The following MFSD6 variants were observed in gnomAD, a reference collection of about 807,000 sequenced individuals.
MFSD6 encodes the protein major facilitator superfamily domain-containing protein 6.
In MFSD6, 26 loss-of-function variants were observed where a neutral mutation model predicts 56.3. The observed-to-expected ratio is 0.46, with a 90% CI of 0.34 to 0.64. MFSD6 has a LOEUF of 0.64. Ranked by LOEUF, MFSD6 falls within the 30% of genes least tolerant of loss-of-function variation. The probability of loss-of-function intolerance (pLI) is 0.01; values close to 1 mark genes in which losing one functional copy is unlikely to be tolerated. For synonymous variants in MFSD6, 331 were observed against 366.9 expected (o/e 0.90, Z 1.12); for missense variants, 750 against 986.2 (o/e 0.76, Z 3.21).
chr2:190,487,289 T>C lies in MFSD6; in HGVS notation c.1631-1368T>C, dbSNP rs1689069124. ...CCAGGAAGCAGAGGTTGCAGTGAGC[T>C]GAGGTCGTGCCACTGCACTCCAGCC... On this transcript the variant is annotated intron_variant, in intron 4 of 7. Coordinates refer to ENST00000392328, the MANE Select transcript of MFSD6 (RefSeq NM_017694.4). The surrounding 1 kb of genome is among the most constrained non-coding windows in gnomAD (Gnocchi z 5.5). Among the ~76,000 whole-genome samples, 1 of 152,160 alleles carries C rather than the reference T, an allele frequency of 6.6e-6. No homozygotes were observed. The highest frequency in any genetic ancestry group is 1.9e-4 in the East Asian group (1 of 5,186).
At position 190,489,926 on chromosome 2, in the gene MFSD6, A is replaced by T. The variant is rs1165065302; in HGVS notation, c.1891+60A>T. The T allele has an allele frequency of 1.6e-5, 22 of 1,357,928 alleles. No homozygotes were observed. The highest frequency in any genetic ancestry group is 2.2e-5 in the Non-Finnish European group (22 of 1,016,872). 84.1% of individuals were successfully genotyped at this position (1,357,928 alleles called of 1,614,324 possible). On this transcript the variant is annotated intron_variant, in intron 6 of 7. Coordinates refer to ENST00000392328, the MANE Select transcript of MFSD6 (RefSeq NM_017694.4). This position sits in a 1 kb window ranked among gnomAD's most constrained non-coding sequence, Gnocchi z 6.6. ...AGTTCAGGCCATGGGAAGTCAACAA[A>T]TGCCCCGAGAAGCCTAGAAGTGGTA...
chr2:190,482,868 C>CTTTTTTT lies in MFSD6; in HGVS notation c.1631-5760_1631-5754dup, dbSNP rs199927176. The stretch of plus-strand genomic sequence containing the variant: ...GGAGAAGAGTTATTAAGACTATCAT[C>CTTTTTTT]TTTTTTTTTTTTTTTTTTTTTTTTT... On this transcript the variant is annotated intron_variant, in intron 4 of 7. Transcript: ENST00000392328. 6.2e-4 allele frequency among the ~76,000 whole-genome samples: 30 copies of CTTTTTTT among 48,270 alleles called. 8 individuals carry two copies. Among genetic ancestry groups the CTTTTTTT allele is most frequent in the East Asian group, 2.1e-3 (3 of 1,428 alleles). The allele number at this position is 48,270 out of a possible 152,430, so 31.7% of individuals were successfully genotyped here.
chr2:190,450,885 A>G (rs1308263854), intron 3 of MFSD6, among the ~76,000 whole-genome samples: 2 of 152,242 alleles, frequency 1.3e-5, no homozygotes, highest in South Asian at 2.1e-4. Flanking sequence ...ACATTTGTCC[A>G]GGTGTACTAT....
chr2:190,409,876 C>T (rs969203857), intron 1 of MFSD6, among the ~76,000 whole-genome samples: 4 of 152,018 alleles, frequency 2.6e-5, no homozygotes, highest in African/African-American at 7.3e-5. Context: ...GTATTTATCA[C>T]GAGGTGTAAG....
At position 190,429,227 on chromosome 2, in the gene MFSD6, CGTGT is replaced by C. The variant is rs34375122; in HGVS notation, c.-53-6731_-53-6728del. On this transcript the variant is annotated intron_variant, in intron 2 of 7. Coordinates refer to ENST00000392328, the MANE Select transcript of MFSD6 (RefSeq NM_017694.4). ...ATATATCTGTATAATTCTTTTGTTA[CGTGT>C]GTGTGTGTGTGTGTGTGTATACATA... 6.2e-4 allele frequency among the ~76,000 whole-genome samples: 93 copies of C among 148,908 alleles called. 1 individual carries two copies. Among genetic ancestry groups the C allele is most frequent in the Admixed American group, 4.5e-3 (67 of 14,880 alleles).
At position 190,451,202 on chromosome 2, in the gene MFSD6, C is replaced by T. The variant is rs190252298; in HGVS notation, c.1532+13641C>T. 3.6e-3 allele frequency among the ~76,000 whole-genome samples: 554 copies of T among 152,336 alleles called. 1 individual carries two copies. Among genetic ancestry groups the T allele is most frequent in the Non-Finnish European group, 5.9e-3 (402 of 68,028 alleles). On this transcript the variant is annotated intron_variant, in intron 3 of 7. Coordinates refer to ENST00000392328, the MANE Select transcript of MFSD6 (RefSeq NM_017694.4). The surrounding 1 kb of genome is among the most constrained non-coding windows in gnomAD (Gnocchi z 5.0). ...ATTTGATCTAGATTCAAATCCCACA[C>T]TTAGTCCTGTCTAACATTGGATAAG...
intron 2 of MFSD6, among the ~76,000 whole-genome samples, chr2:190,421,348 TAGTC>T (rs1315999717): frequency 1.3e-5 from 2 of 152,216 alleles, no homozygotes; most frequent in Admixed American, 6.5e-5. Context: ...GAAAAATGTT[TAGTC>T]AGTGATAGAA....
chr2:190,477,409 A>G (rs964257909), intron 4 of MFSD6: 1 of 940,380 alleles, frequency 1.1e-6, no homozygotes, highest in African/African-American at 1.8e-5. Flanking sequence ...ATGACTATAT[A>G]TTATAATAAT....
chr2:190,480,043 G>A (rs571654789), intron 4 of MFSD6, among the ~76,000 whole-genome samples: 2 of 152,244 alleles, frequency 1.3e-5, no homozygotes, highest in East Asian at 3.9e-4. Flanking sequence ...TGCGCCTGTG[G>A]TCCCAGCTAC....
Position 190,491,825 on chromosome 2 carries a change from G to GAAGACAAAGA in MFSD6, c.1891+1961_1891+1962insGACAAAGAAA, listed in dbSNP as rs1689377354. Among the ~76,000 whole-genome samples the GAAGACAAAGA allele has an allele frequency of 6.6e-6, 1 of 152,118 alleles. No individual in the cohort carries two copies. Among genetic ancestry groups the GAAGACAAAGA allele is most frequent in the African/African-American group, 2.4e-5 (1 of 41,420 alleles). ...CCAAGAAGAAATCTCTGACTTCCCT[G>GAAGACAAAGA]AAAAAGAATTCAGAAGGTCCATTAT... On this transcript the variant is annotated intron_variant, in intron 6 of 7. Coordinates refer to ENST00000392328, the MANE Select transcript of MFSD6 (RefSeq NM_017694.4). This position sits in a 1 kb window ranked among gnomAD's most constrained non-coding sequence, Gnocchi z 4.2.
At chr2:190,473,703 A>G (rs1688097212) in intron 4 of MFSD6, among the ~76,000 whole-genome samples, 1 of 152,222 alleles carries the variant, frequency 6.6e-6, no homozygotes, top group African/African-American at 2.4e-5. Flanking sequence ...AATTGAACTC[A>G]GCTTTCCTGA....
chr2:190,480,974 G>A (rs989065591), intron 4 of MFSD6, among the ~76,000 whole-genome samples: 1 of 152,252 alleles, frequency 6.6e-6, no homozygotes, highest in Non-Finnish European at 1.5e-5. Context: ...GCCTGGCTAT[G>A]AATTAAGCTG....
At position 190,451,744 on chromosome 2, in the gene MFSD6, G is replaced by C. The variant is rs1293528605; in HGVS notation, c.1532+14183G>C. ...AAAACCACACATGTGAATGGCCAGG[G>C]AGAGGGTAATAAAAGGACACCAGTG... is the stretch of plus-strand genomic sequence containing the variant. On this transcript the variant is annotated intron_variant, in intron 3 of 7. Coordinates refer to ENST00000392328, the MANE Select transcript of MFSD6 (RefSeq NM_017694.4). The surrounding 1 kb of genome is among the most constrained non-coding windows in gnomAD (Gnocchi z 5.0). Among the ~76,000 whole-genome samples the C allele has an allele frequency of 6.6e-6, 1 of 152,222 alleles. No homozygotes were observed. The highest frequency in any genetic ancestry group is 1.9e-4 in the East Asian group (1 of 5,200).
In MFSD6 at chr2:190,497,390, A is replaced by G; in HGVS notation, c.1892-49A>G. ...TTTATTTATTTTTACCTTTGTTCAA[A>G]TATGTAGAAAATGCTGAAAAAATAG... is the stretch of plus-strand genomic sequence containing the variant. On this transcript the variant is annotated intron_variant, in intron 6 of 7. Transcript: ENST00000392328. This position sits in a 1 kb window ranked among gnomAD's most constrained non-coding sequence, Gnocchi z 5.2. 2 of 1,582,172 alleles carry G rather than the reference A, an allele frequency of 1.3e-6. No individual in the cohort carries two copies. The highest frequency in any genetic ancestry group is 1.7e-6 in the Non-Finnish European group (2 of 1,161,214).
rs1264131336 is a variant in MFSD6, at chr2:190,469,406, A to C, written c.1533-352A>C. 6.5e-6 allele frequency: 1 copy of C among 154,220 alleles called. No homozygotes were observed. The highest frequency in any genetic ancestry group is 2.4e-5 in the African/African-American group (1 of 41,518). The allele number at this position is 154,220 out of a possible 1,614,324, so 9.6% of individuals were successfully genotyped here. A position where few individuals can be genotyped will look rare whatever the true frequency, so the allele number is the denominator to read the frequency against. On this transcript the variant is annotated intron_variant, in intron 3 of 7. Coordinates refer to ENST00000392328, the MANE Select transcript of MFSD6 (RefSeq NM_017694.4). The surrounding 1 kb of genome is among the most constrained non-coding windows in gnomAD (Gnocchi z 5.3). ...TACAGCCACCTGGAAGGAAGCCAGTAATGTCATTACTGATGGCAGTGCGCC... is the reference window on the plus strand; with the variant it reads ...TACAGCCACCTGGAAGGAAGCCAGTCATGTCATTACTGATGGCAGTGCGCC...
At position 190,422,112 on chromosome 2, in the gene MFSD6, A is replaced by G. The variant is rs532091197; in HGVS notation, c.-54+6699A>G. Among the ~76,000 whole-genome samples the G allele has an allele frequency of 3.3e-5, 5 of 152,260 alleles. No individual in the cohort carries two copies. The South Asian group carries it at 1.0e-3, about 32-fold the overall frequency. ...AACTGCATTTTTTCTTTTTCTGTGC[A>G]ACTCTTTGTTTTCTTGTAGTGTTCT... On this transcript the variant is annotated intron_variant, in intron 2 of 7. Coordinates refer to ENST00000392328, the MANE Select transcript of MFSD6 (RefSeq NM_017694.4).
intron 1 of MFSD6, chr2:190,411,669 T>G: frequency 1.0e-6 from 1 of 984,574 alleles, no homozygotes; most frequent in African/African-American, 1.7e-5. Context: ...GTGCCTAAAC[T>G]CTAATGTTAG....
chr2:190,501,292 G>A lies in MFSD6; in HGVS notation c.*1074G>A, dbSNP rs562507873. The A allele has an allele frequency of 1.3e-5, 2 of 152,278 alleles. No individual in the cohort carries two copies. The highest frequency in any genetic ancestry group is 1.9e-4 in the East Asian group (1 of 5,190). 9.4% of individuals were successfully genotyped at this position (152,278 alleles called of 1,614,324 possible). On this transcript the variant is annotated 3_prime_UTR_variant, in exon 8 of 8. Transcript: ENST00000392328. ...CCATGAATGGGAAGGATGGCAATAAGTAGCAACTATACTTTCCAATGACTA... is the reference window on the plus strand; with the variant it reads ...CCATGAATGGGAAGGATGGCAATAAATAGCAACTATACTTTCCAATGACTA...
chr2:190,444,127 T>A (rs1686486955), intron 3 of MFSD6, among the ~76,000 whole-genome samples: 1 of 152,236 alleles, frequency 6.6e-6, no homozygotes, highest in Non-Finnish European at 1.5e-5. Flanking sequence ...ACTTTTATAC[T>A]TTCAATTTTG....
Sources: allele counts gnomAD v4.1 joint callset (sites outside exome capture counted in the v4.1 genomes callset), GRCh38; gene constraint gnomAD v4.1.1; non-coding constraint Gnocchi (gnomAD v3.1); transcripts MANE v1.5; gene names NCBI Gene and HGNC (gene_info 2026-07-23, HGNC 2026-07-21).